Variants in PRKN observed in about 807,000 individuals in gnomAD.
The protein encoded by PRKN is E3 ubiquitin-protein ligase parkin.
A neutral mutation model predicts 59.5 loss-of-function variants in PRKN; 56 were observed. That is an observed-to-expected ratio of 0.94 (90% confidence interval 0.76 to 1.18). PRKN has a LOEUF of 1.18. Among genes scored for constraint, PRKN ranks in the 50% most tolerant of loss-of-function variants. PRKN has a pLI of 0.00. For synonymous variants in PRKN, 250 were observed against 222.1 expected (o/e 1.13, Z -1.12); for missense variants, 657 against 596.4 (o/e 1.10, Z -1.06).
At chr6:162,675,728 TAATAA>T (rs1779521010) in intron 1 of PRKN, among the ~76,000 whole-genome samples, 1 of 152,216 alleles carries the variant, frequency 6.6e-6, no homozygotes, top group East Asian at 1.9e-4. Context: ...TCTGTAGATT[TAATAA>T]AATTCTAATA....
rs2128286306 is a variant in PRKN, at chr6:162,056,602, T to G, written c.535-2428A>C. Reference sequence around the variant, plus strand: ...CTAGCAGGACTGAAGCTGCGATGGTTTGAAAAGCCTGCTTTCAAGCTTGGC... The same window carrying G: ...CTAGCAGGACTGAAGCTGCGATGGTGTGAAAAGCCTGCTTTCAAGCTTGGC... On this transcript the variant is annotated intron_variant, in intron 4 of 11. Coordinates refer to ENST00000366898, the MANE Select transcript of PRKN (RefSeq NM_004562.3). The surrounding 1 kb of genome is among the most constrained non-coding windows in gnomAD (Gnocchi z 4.9). Among the ~76,000 whole-genome samples, 1 of 152,272 alleles carries G rather than the reference T, an allele frequency of 6.6e-6. No homozygotes were observed. Among genetic ancestry groups the G allele is most frequent in the South Asian group, 2.1e-4 (1 of 4,822 alleles).
rs1250082591 is a variant in PRKN at position 161,368,322 on chromosome 6, T to C, written c.1168-8117A>G. 2.8e-5 allele frequency among the ~76,000 whole-genome samples: 4 copies of C among 143,558 alleles called. No individual in the cohort carries two copies. In the Admixed American group the frequency reaches 2.8e-4, roughly 10 times the overall value. 94.2% of individuals were successfully genotyped at this position (143,558 alleles called of 152,430 possible). ...TTATATATATTTGTATATATATTTATATATATTTGTATATATATTTGTATA... is the reference window on the plus strand; with the variant it reads ...TTATATATATTTGTATATATATTTACATATATTTGTATATATATTTGTATA... On this transcript the variant is annotated intron_variant, in intron 10 of 11. Coordinates refer to ENST00000366898, the MANE Select transcript of PRKN (RefSeq NM_004562.3).
intron 4 of PRKN, among the ~76,000 whole-genome samples, chr6:162,199,180 G>T (rs1159158014): frequency 6.6e-6 from 1 of 150,836 alleles, no homozygotes. Context: ...GTGGACATAT[G>T]AGTATGTGAC....
chr6:161,989,039 T>C (rs567866663), intron 5 of PRKN, among the ~76,000 whole-genome samples: 106 of 152,314 alleles, frequency 7.0e-4, no homozygotes, highest in African/African-American at 2.4e-3. Context: ...GCTGCACCCA[T>C]TAACTCATCA....
intron 7 of PRKN, among the ~76,000 whole-genome samples, chr6:161,730,748 T>C (rs1583067009): frequency 6.6e-6 from 1 of 152,096 alleles, no homozygotes; most frequent in African/African-American, 2.4e-5. Flanking sequence ...TCTGATATAT[T>C]GCATTCTGAT....
intron 7 of PRKN, among the ~76,000 whole-genome samples, chr6:161,571,011 C>T (rs1400561586): frequency 6.6e-6 from 1 of 152,142 alleles, no homozygotes; most frequent in Non-Finnish European, 1.5e-5. Context: ...TGGCTCATTG[C>T]AGCCTTGACC....
intron 9 of PRKN, among the ~76,000 whole-genome samples, chr6:161,501,082 C>T (rs1777945916): frequency 6.6e-6 from 1 of 151,972 alleles, no homozygotes; most frequent in Non-Finnish European, 1.5e-5. Flanking sequence ...CACCATATTG[C>T]CAGGCTAGTC....
rs1260928048 is a variant in PRKN at position 161,518,495 on chromosome 6, C to G, written c.1083+30359G>C. 6.6e-6 allele frequency among the ~76,000 whole-genome samples: 1 copy of G among 152,238 alleles called. No individual in the cohort carries two copies. Among genetic ancestry groups the G allele is most frequent in the Non-Finnish European group, 1.5e-5 (1 of 68,036 alleles). On this transcript the variant is annotated intron_variant, in intron 9 of 11. Transcript: ENST00000366898. The surrounding 1 kb of genome is among the most constrained non-coding windows in gnomAD (Gnocchi z 5.0). ...GGCTGCTGTGGCACTGGGCGCTGCCCCTGGCTGTGCAATCCCAGGGCTCTG... is the reference window on the plus strand; with the variant it reads ...GGCTGCTGTGGCACTGGGCGCTGCCGCTGGCTGTGCAATCCCAGGGCTCTG...
intron 1 of PRKN, among the ~76,000 whole-genome samples, chr6:162,523,010 C>T (rs961843921): frequency 2.0e-5 from 3 of 152,186 alleles, no homozygotes; most frequent in Admixed American, 2.0e-4. Context: ...AGCATCGAAA[C>T]CTTGGAGTCA....
chr6:162,333,227 TC>T (rs1783669900), intron 2 of PRKN, among the ~76,000 whole-genome samples: 1 of 146,168 alleles, frequency 6.8e-6, no homozygotes, highest in East Asian at 2.3e-4. Context: ...CACATTAAAA[TC>T]TTTTTTTTTT....
intron 5 of PRKN, among the ~76,000 whole-genome samples, chr6:162,042,456 T>A (rs1050162954): frequency 6.6e-6 from 1 of 151,654 alleles, no homozygotes; most frequent in African/African-American, 2.4e-5. Context: ...GCTAATTTTT[T>A]TTTTTTATTT....
At chr6:162,247,502 C>T (rs1245678164) in intron 3 of PRKN, among the ~76,000 whole-genome samples, 2 of 152,018 alleles carry the variant, frequency 1.3e-5, no homozygotes, top group African/African-American at 4.8e-5. Flanking sequence ...TATTAAAATT[C>T]ACCTAATTTT....
At chr6:161,928,532 C>T (rs185418197) in intron 6 of PRKN, among the ~76,000 whole-genome samples, 1 of 152,200 alleles carries the variant, frequency 6.6e-6, no homozygotes, top group Admixed American at 6.5e-5. Flanking sequence ...TTCAGCCCTA[C>T]AAGAAGTTAA....
intron 1 of PRKN, among the ~76,000 whole-genome samples, chr6:162,549,619 T>C (rs1779253285): frequency 6.7e-6 from 1 of 149,674 alleles, no homozygotes; most frequent in Non-Finnish European, 1.5e-5. Flanking sequence ...ACAAAACTAA[T>C]AGTAATAGAA....
intron 2 of PRKN, among the ~76,000 whole-genome samples, chr6:162,350,805 G>C (rs954474010): frequency 4.6e-5 from 7 of 151,970 alleles, no homozygotes; most frequent in Admixed American, 4.6e-4. Flanking sequence ...CCAAAAAAAA[G>C]AGCAAAGTTA....
chr6:161,761,812 C>G (rs578023899), intron 7 of PRKN, among the ~76,000 whole-genome samples: 1 of 152,070 alleles, frequency 6.6e-6, no homozygotes, highest in Admixed American at 6.5e-5. Flanking sequence ...AACGGAATCC[C>G]AAGGAAGAAC....
Position 161,715,316 on chromosome 6 carries a change from G to A in PRKN, c.871+70456C>T, listed in dbSNP as rs369958420. Among the ~76,000 whole-genome samples, 101 of 152,040 alleles carry A rather than the reference G, an allele frequency of 6.6e-4. 1 individual carries two copies. Among genetic ancestry groups the A allele is most frequent in the African/African-American group, 2.4e-3 (98 of 41,440 alleles). ...TGGAAGACTCAACAGAAAAAATCCC[G>A]TTGTCTTCCTGACTTTCGGTGATGA... On this transcript the variant is annotated intron_variant, in intron 7 of 11. Coordinates refer to ENST00000366898, the MANE Select transcript of PRKN (RefSeq NM_004562.3).
intron 7 of PRKN, among the ~76,000 whole-genome samples, chr6:161,766,314 A>ATCTTTTTT (rs1554302430): frequency 1.4e-5 from 2 of 139,606 alleles, no homozygotes; most frequent in Non-Finnish European, 3.1e-5. Flanking sequence ...CATTGACCAC[A>ATCTTTTTT]TTTTTTTTTT....
chr6:161,795,230 T>TTTC (rs1554307976), intron 6 of PRKN, among the ~76,000 whole-genome samples: 1 of 146,432 alleles, frequency 6.8e-6, no homozygotes, highest in African/African-American at 2.5e-5. Context: ...TTTCTTTTCT[T>TTTC]TTTTTTTTTT....
Sources: allele counts gnomAD v4.1 joint callset (sites outside exome capture counted in the v4.1 genomes callset), GRCh38; gene constraint gnomAD v4.1.1; non-coding constraint Gnocchi (gnomAD v3.1); transcripts MANE v1.5; gene names NCBI Gene and HGNC (gene_info 2026-07-23, HGNC 2026-07-21).